SHISA9: variants seen among roughly 807,000 people sequenced by gnomAD.
The protein encoded by SHISA9 is protein shisa-9.
SHISA9 carries 13 observed loss-of-function variants against 38.0 expected under a neutral mutation model. The ratio of observed to expected loss-of-function variants is 0.34; its 90% CI spans 0.22 to 0.54. The LOEUF (loss-of-function observed/expected upper bound fraction) is 0.54. SHISA9 is among the 20% of genes least tolerant of loss of function. The probability of loss-of-function intolerance (pLI) is 0.91; values close to 1 mark genes in which losing one functional copy is unlikely to be tolerated. For missense variants in SHISA9, 538 were observed against 575.8 expected (o/e 0.93, Z 0.67); for synonymous variants, 275 against 242.0 (o/e 1.14, Z -1.27).
At chr16:13,301,182 G>A in the SHISA9 span, among the ~76,000 whole-genome samples, 2 of 152,156 alleles carry the variant, frequency 1.3e-5, no homozygotes, top group South Asian at 4.1e-4. Flanking sequence ...GGATGACTTT[G>A]AGGTTGGGTC....
intron 2 of SHISA9, among the ~76,000 whole-genome samples, chr16:13,038,015 G>A (rs528769116): frequency 6.6e-6 from 1 of 152,306 alleles, no homozygotes; most frequent in South Asian, 2.1e-4. Flanking sequence ...TTTGGAGACA[G>A]GGCCTTGCTC....
At chr16:13,262,509 T>C in the SHISA9 span, among the ~76,000 whole-genome samples, 1 of 152,210 alleles carries the variant, frequency 6.6e-6, no homozygotes, top group Non-Finnish European at 1.5e-5. Context: ...CCCAATAGCC[T>C]GGAGGATCTT....
rs551036118 is a variant in SHISA9 at position 12,907,208 on chromosome 16, CCCTTCCTT to C, written c.563+4582_563+4589del. Among the ~76,000 whole-genome samples, 1,035 of 133,308 alleles carry C rather than the reference CCCTTCCTT, an allele frequency of 7.8e-3. 16 individuals carry two copies. Among genetic ancestry groups the C allele is most frequent in the African/African-American group, 0.028 (981 of 34,924 alleles). 87.5% of individuals were successfully genotyped at this position (133,308 alleles called of 152,430 possible). A position where few individuals can be genotyped will look rare whatever the true frequency, so the allele number is the denominator to read the frequency against. On this transcript the variant is annotated intron_variant, in intron 1 of 4. Coordinates refer to ENST00000558583, the MANE Select transcript of SHISA9 (RefSeq NM_001145204.3). Reference sequence around the variant, plus strand: ...TCCCTCCCTCCGTCCCTCCCTCCCTCCCTTCCTTGCTTCCTTCCTCCTTTCTTTCCTCT... The same window carrying C: ...TCCCTCCCTCCGTCCCTCCCTCCCTCGCTTCCTTCCTCCTTTCTTTCCTCT...
intron 2 of SHISA9, among the ~76,000 whole-genome samples, chr16:13,154,509 G>C (rs1489879851): frequency 6.6e-6 from 1 of 152,186 alleles, no homozygotes; most frequent in African/African-American, 2.4e-5. Context: ...GATAGAAGTT[G>C]CTCTGTTAAC....
chr16:13,032,938 G>A (rs2073009509), intron 2 of SHISA9, among the ~76,000 whole-genome samples: 1 of 152,182 alleles, frequency 6.6e-6, no homozygotes, highest in African/African-American at 2.4e-5. Flanking sequence ...GCGAGATCAA[G>A]GAACTCAAAC....
chr16:12,926,910 A>G (rs907768302), intron 2 of SHISA9, among the ~76,000 whole-genome samples: 1 of 152,170 alleles, frequency 6.6e-6, no homozygotes, highest in Non-Finnish European at 1.5e-5. Flanking sequence ...TACAAATTGC[A>G]TACAGGGAGA....
At chr16:13,449,543 T>C in the SHISA9 span, among the ~76,000 whole-genome samples, 1 of 152,196 alleles carries the variant, frequency 6.6e-6, no homozygotes, top group East Asian at 1.9e-4. Context: ...TAGATGGTTG[T>C]ATACAGAGAG....
chr16:13,207,572 T>G (rs538309122), intron 3 of SHISA9, among the ~76,000 whole-genome samples: 1 of 151,802 alleles, frequency 6.6e-6, no homozygotes, highest in Non-Finnish European at 1.5e-5. Flanking sequence ...CTAGATGGGG[T>G]TGATGTACCC....
At chr16:13,117,122 G>A (rs1461521662) in intron 2 of SHISA9, among the ~76,000 whole-genome samples, 2 of 151,974 alleles carry the variant, frequency 1.3e-5, no homozygotes, top group Non-Finnish European at 2.9e-5. Flanking sequence ...ACAGGCCTGC[G>A]CCACCACCAC....
chr16:13,432,673 G>T, the SHISA9 span, among the ~76,000 whole-genome samples: 1 of 152,076 alleles, frequency 6.6e-6, no homozygotes, highest in Non-Finnish European at 1.5e-5. Flanking sequence ...AGGAGTGAAA[G>T]GCATATAAGT....
intron 2 of SHISA9, among the ~76,000 whole-genome samples, chr16:12,946,866 C>T (rs1198158741): frequency 6.6e-6 from 1 of 152,238 alleles, no homozygotes; most frequent in African/African-American, 2.4e-5. Context: ...TGGGGGAATT[C>T]CTGCTTGCCC....
chr16:13,522,138 A>G, the SHISA9 span, among the ~76,000 whole-genome samples: 1 of 152,174 alleles, frequency 6.6e-6, no homozygotes, highest in African/African-American at 2.4e-5. Flanking sequence ...GTAATCCCAC[A>G]TAAGAGGAGA....
chr16:13,192,418 C>A (rs957225653), intron 2 of SHISA9, among the ~76,000 whole-genome samples: 2 of 151,906 alleles, frequency 1.3e-5, no homozygotes, highest in Non-Finnish European at 2.9e-5. Context: ...TTATGAAATT[C>A]TTTAGTAAGT....
the SHISA9 span, among the ~76,000 whole-genome samples, chr16:13,393,308 T>G: frequency 3.0e-4 from 45 of 152,320 alleles, no homozygotes; most frequent in African/African-American, 1.1e-3. Flanking sequence ...TCTTAATTTT[T>G]GAACAAGAGC....
the SHISA9 span, among the ~76,000 whole-genome samples, chr16:13,371,594 G>A: frequency 1.3e-5 from 2 of 152,172 alleles, no homozygotes; most frequent in African/African-American, 2.4e-5. Context: ...ACACATGGTT[G>A]AAACACTCCT....
At chr16:13,161,163 A>G (rs372073313) in intron 2 of SHISA9, among the ~76,000 whole-genome samples, 42 of 152,238 alleles carry the variant, frequency 2.8e-4, no homozygotes, top group African/African-American at 9.4e-4. Flanking sequence ...ATTATAGTCT[A>G]TTGTGCTCCA....
At chr16:13,071,485 G>A in intron 2 of SHISA9, among the ~76,000 whole-genome samples, 1 of 151,890 alleles carries the variant, frequency 6.6e-6, no homozygotes, top group Non-Finnish European at 1.5e-5. Context: ...TAGTGATGCA[G>A]CCTCGATTTT....
At chr16:12,939,975 C>T (rs2071587559) in intron 2 of SHISA9, among the ~76,000 whole-genome samples, 1 of 152,220 alleles carries the variant, frequency 6.6e-6, no homozygotes, top group African/African-American at 2.4e-5. Context: ...GCCATATTTT[C>T]AGGAATACTG....
chr16:13,254,098 G>C, the SHISA9 span, among the ~76,000 whole-genome samples: 1 of 151,948 alleles, frequency 6.6e-6, no homozygotes, highest in Non-Finnish European at 1.5e-5. Context: ...TTCTATCCTT[G>C]CCAAAGATGC....
Sources: gnomAD v4.1 joint callset for allele counts (sites outside exome capture counted in the v4.1 genomes callset) on GRCh38, gnomAD v4.1.1 for gene constraint, MANE v1.5 for transcripts, NCBI Gene and HGNC (gene_info 2026-07-23, HGNC 2026-07-21) for gene names.